BRSK2: variants seen among roughly 807,000 people sequenced by gnomAD.
The protein encoded by BRSK2 is serine/threonine-protein kinase BRSK2.
A neutral mutation model predicts 83.3 loss-of-function variants in BRSK2; 19 were observed. The observed-to-expected ratio is 0.23, with a 90% CI of 0.16 to 0.33. BRSK2 has a LOEUF of 0.33. BRSK2 is among the 10% of genes least tolerant of loss of function. BRSK2 has a pLI of 1.00. For synonymous variants in BRSK2, 519 were observed against 435.4 expected (o/e 1.19, Z -2.39); for missense variants, 798 against 1,042.3 (o/e 0.77, Z 3.23).
chr11:1,448,121 G>C (rs1369158237), intron 12 of BRSK2, among the ~76,000 whole-genome samples: 1 of 152,194 alleles, frequency 6.6e-6, no homozygotes, highest in African/African-American at 2.4e-5. Flanking sequence ...CTAGAGCCCG[G>C]CGTGGCTGCA....
intron 2 of BRSK2, among the ~76,000 whole-genome samples, chr11:1,437,314 C>A (rs1009253777): frequency 6.6e-6 from 1 of 152,152 alleles, no homozygotes; most frequent in African/African-American, 2.4e-5. Flanking sequence ...GCTGGGACCC[C>A]ATCACAAGAC....
In BRSK2 at chr11:1,450,583, A is replaced by G. The variant is rs1476972215; in HGVS notation, c.1288-4A>G. 5.8e-6 allele frequency: 9 copies of G among 1,538,920 alleles called. No homozygotes were observed. Among genetic ancestry groups the G allele is most frequent in the Non-Finnish European group, 7.1e-6 (8 of 1,133,804 alleles). ...CAAACACCAAATCTGTCCCCACCAT[A>G]CAGGTGACCCCTCACCCCTCACCAA... is the stretch of plus-strand genomic sequence containing the variant. On this transcript the variant is annotated splice_polypyrimidine_tract_variant and splice_region_variant and intron_variant, in intron 13 of 19. Transcript: ENST00000528841.
intron 1 of BRSK2, among the ~76,000 whole-genome samples, chr11:1,393,253 T>G (rs1410960882): frequency 6.6e-6 from 1 of 152,024 alleles, no homozygotes; most frequent in Admixed American, 6.5e-5. Context: ...CTGCGCGCCT[T>G]TGTCCCTGTG....
At chr11:1,391,479 G>C (rs1845729772) in intron 1 of BRSK2, among the ~76,000 whole-genome samples, 2 of 152,224 alleles carry the variant, frequency 1.3e-5, no homozygotes, top group African/African-American at 4.8e-5. Context: ...TCTTGGGGGA[G>C]GGCCGTGGCT....
chr11:1,421,976 G>A (rs1848674753), intron 1 of BRSK2, among the ~76,000 whole-genome samples: 1 of 151,718 alleles, frequency 6.6e-6, no homozygotes, highest in Admixed American at 6.6e-5. Flanking sequence ...GGGTGGGGTC[G>A]GGGCAGGCTG....
In BRSK2 at chr11:1,442,541, C is replaced by T; in HGVS notation, c.465C>T (p.Ile155=). The change falls in exon 5 of 20, where the codon ATC becomes ATT. Residue 155 remains isoleucine, a synonymous_variant. Coordinates refer to ENST00000528841, the MANE Select transcript of BRSK2 (RefSeq NM_001256627.2). ...TCCTGCTGGACGAGAAGAACAACAT[C>T]CGCATCGCAGACTTTGGCATGGCGT... ...ENLLLDEKNN[I]RIADFGMASL... 6.2e-7 allele frequency: 1 copy of T among 1,613,182 alleles called. No homozygotes were observed. The highest frequency in any genetic ancestry group is 8.5e-7 in the Non-Finnish European group (1 of 1,179,800).
intron 14 of BRSK2, among the ~76,000 whole-genome samples, chr11:1,451,011 T>C (rs1202781052): frequency 6.6e-6 from 1 of 152,212 alleles, no homozygotes; most frequent in African/African-American, 2.4e-5. Context: ...TCTGTGTTCC[T>C]GAGTCTACCC....
Position 1,461,077 on chromosome 11 carries a change from A to G in BRSK2, c.*354A>G. ...TCCGCTCCTGCTGTTGCTGCCGGGCAGTGAGGCCCAGCCCAGCGCCCCGTC... is the reference window on the plus strand; with the variant it reads ...TCCGCTCCTGCTGTTGCTGCCGGGCGGTGAGGCCCAGCCCAGCGCCCCGTC... On this transcript the variant is annotated 3_prime_UTR_variant, in exon 20 of 20. Transcript: ENST00000528841. The G allele has an allele frequency of 1.3e-6, 2 of 1,571,222 alleles. No homozygotes were observed. The highest frequency in any genetic ancestry group is 1.7e-6 in the Non-Finnish European group (2 of 1,150,882).
chr11:1,450,799 GTGTC>G lies in BRSK2; in HGVS notation c.1495+8_1495+11del, dbSNP rs776782461. Reference sequence around the variant, plus strand: ...TCCACCGCCGGAAACTGCAAGGTGAGTGTCTGCCCGGAGGCGCCAGAGTGGGGCT... The same window carrying G: ...TCCACCGCCGGAAACTGCAAGGTGAGTGCCCGGAGGCGCCAGAGTGGGGCT... On this transcript the variant is annotated splice_donor_region_variant and intron_variant, in intron 14 of 19. Transcript: ENST00000528841. 7.6e-6 allele frequency: 12 copies of G among 1,588,646 alleles called. No individual in the cohort carries two copies. The highest frequency in any genetic ancestry group is 1.4e-5 in the African/African-American group (1 of 73,344).
At chr11:1,425,446 G>A (rs7126241) in intron 1 of BRSK2, among the ~76,000 whole-genome samples, 133 of 152,334 alleles carry the variant, frequency 8.7e-4, no homozygotes, top group African/African-American at 3.1e-3. Flanking sequence ...GATGAGGCCC[G>A]CTTGGTCCCA....
chr11:1,435,725 C>T (rs1306382258), intron 1 of BRSK2, among the ~76,000 whole-genome samples: 3 of 150,540 alleles, frequency 2.0e-5, no homozygotes, highest in Non-Finnish European at 4.4e-5. Context: ...CCCTGGCTCC[C>T]AGCTGAGGGT....
chr11:1,428,201 C>T (rs940565887), intron 1 of BRSK2, among the ~76,000 whole-genome samples: 3 of 152,218 alleles, frequency 2.0e-5, no homozygotes, highest in South Asian at 2.1e-4. Flanking sequence ...TGAGCCACTG[C>T]GAGGCTCCTG....
chr11:1,444,856 T>A, intron 8 of BRSK2, 115 bp from the exon 9 acceptor site: 5 of 839,980 alleles, frequency 6.0e-6, no homozygotes, highest in African/African-American at 3.6e-5. Context: ...TCACTTGCCC[T>A]CACCCTCTCC....
At chr11:1,447,077 C>T (rs1395359895) in intron 12 of BRSK2, among the ~76,000 whole-genome samples, 1 of 152,072 alleles carries the variant, frequency 6.6e-6, no homozygotes, top group Non-Finnish European at 1.5e-5. Context: ...CTAGGCCCTC[C>T]CCAGGGTTTC....
intron 1 of BRSK2, among the ~76,000 whole-genome samples, chr11:1,434,961 G>A (rs902438395): frequency 6.6e-6 from 1 of 151,902 alleles, no homozygotes; most frequent in African/African-American, 2.4e-5. Context: ...GCAAGTATCT[G>A]GCTGTGAAAA....
intron 1 of BRSK2, among the ~76,000 whole-genome samples, chr11:1,408,613 C>T (rs978498689): frequency 1.3e-4 from 20 of 152,202 alleles, no homozygotes; most frequent in Non-Finnish European, 2.1e-4. Context: ...CGGAATTCAT[C>T]GCAGACCCTC....
intron 18 of BRSK2, among the ~76,000 whole-genome samples, chr11:1,457,810 A>T (rs1846811414): frequency 6.7e-6 from 1 of 149,860 alleles, no homozygotes; most frequent in East Asian, 1.9e-4. Context: ...GCCCCCCCAG[A>T]GTGTGCTTCA....
intron 8 of BRSK2, among the ~76,000 whole-genome samples, chr11:1,444,734 C>T (rs576792724): frequency 6.6e-6 from 1 of 151,666 alleles, no homozygotes; most frequent in African/African-American, 2.4e-5. Flanking sequence ...CTTCTCTCCT[C>T]CTTGAGGTGT....
chr11:1,395,575 G>A (rs1043189238), intron 1 of BRSK2, among the ~76,000 whole-genome samples: 2 of 152,212 alleles, frequency 1.3e-5, no homozygotes, highest in Admixed American at 6.5e-5. Flanking sequence ...CGTTGGAGGC[G>A]GGAGCCCTAG....
Sources: allele counts gnomAD v4.1 joint callset (sites outside exome capture counted in the v4.1 genomes callset), GRCh38; gene constraint gnomAD v4.1.1; transcripts MANE v1.5; gene names NCBI Gene and HGNC (gene_info 2026-07-23, HGNC 2026-07-21).